The following CCSER1 variants were observed in gnomAD, a reference collection of about 807,000 sequenced individuals.
CCSER1 encodes the protein serine-rich coiled-coil domain-containing protein 1.
In CCSER1, 41 loss-of-function variants were observed where a neutral mutation model predicts 82.0. That is an observed-to-expected ratio of 0.50 (90% CI 0.39 to 0.65). The LOEUF is 0.65. Among genes scored for constraint, CCSER1 ranks in the 30% least tolerant of loss-of-function variants. The pLI is 0.00. For missense variants in CCSER1, 1,119 were observed against 1,064.2 expected (o/e 1.05, Z -0.72); for synonymous variants, 414 against 383.9 (o/e 1.08, Z -0.92).
intron 10 of CCSER1, among the ~76,000 whole-genome samples, chr4:91,246,528 A>C (rs112385232): frequency 5.3e-5 from 8 of 152,308 alleles, no homozygotes; most frequent in African/African-American, 1.9e-4. Flanking sequence ...CAGCAATCCC[A>C]ATGCTGGGTA....
At chr4:90,952,084 C>T (rs1178179999) in intron 9 of CCSER1, among the ~76,000 whole-genome samples, 1 of 151,848 alleles carries the variant, frequency 6.6e-6, no homozygotes, top group Non-Finnish European at 1.5e-5. Flanking sequence ...AGTAAAGTCA[C>T]CTTTAATGGA....
At chr4:90,715,593 A>C (rs942554582) in intron 6 of CCSER1, among the ~76,000 whole-genome samples, 1 of 152,048 alleles carries the variant, frequency 6.6e-6, no homozygotes, top group Non-Finnish European at 1.5e-5. Context: ...TATTGATACC[A>C]GGAGGAAAGA....
chr4:91,459,001 G>A (rs1254766072), intron 10 of CCSER1, among the ~76,000 whole-genome samples: 1 of 151,928 alleles, frequency 6.6e-6, no homozygotes, highest in Non-Finnish European at 1.5e-5. Flanking sequence ...TTATGATAAT[G>A]GAACTTATGG....
chr4:90,277,393 A>G (rs1351479021), intron 1 of CCSER1, among the ~76,000 whole-genome samples: 1 of 152,158 alleles, frequency 6.6e-6, no homozygotes, highest in Non-Finnish European at 1.5e-5. Flanking sequence ...GCCACACATT[A>G]CCTGTCTTCA....
intron 3 of CCSER1, among the ~76,000 whole-genome samples, chr4:90,345,680 A>G (rs1483960426): frequency 2.0e-5 from 3 of 152,094 alleles, no homozygotes; most frequent in Non-Finnish European, 4.4e-5. Context: ...AAAGGCACTG[A>G]GCACAACCAT....
intron 10 of CCSER1, among the ~76,000 whole-genome samples, chr4:91,207,746 A>C (rs1736463634): frequency 6.6e-6 from 1 of 151,954 alleles, no homozygotes; most frequent in South Asian, 2.1e-4. Flanking sequence ...GTATATACCC[A>C]GTAGTGGTAT....
At chr4:90,714,114 T>A (rs1168124218) in intron 6 of CCSER1, among the ~76,000 whole-genome samples, 1 of 152,018 alleles carries the variant, frequency 6.6e-6, no homozygotes, top group African/African-American at 2.4e-5. Context: ...GGACCGCAGC[T>A]GCTTCTATTC....
At chr4:91,517,402 AG>A (rs1376850071) in intron 10 of CCSER1, among the ~76,000 whole-genome samples, 1 of 152,134 alleles carries the variant, frequency 6.6e-6, no homozygotes, top group Non-Finnish European at 1.5e-5. Flanking sequence ...TTTAACATGA[AG>A]GATGTTGAAT....
At chr4:91,401,318 A>T (rs928936775) in intron 10 of CCSER1, among the ~76,000 whole-genome samples, 1 of 148,426 alleles carries the variant, frequency 6.7e-6, no homozygotes, top group Admixed American at 6.8e-5. Context: ...CAATATAGAT[A>T]TACTGTATAT....
At chr4:90,323,975 C>G (rs1279673137) in intron 3 of CCSER1, among the ~76,000 whole-genome samples, 2 of 152,102 alleles carry the variant, frequency 1.3e-5, no homozygotes, top group African/African-American at 4.8e-5. Context: ...CAATTTCATT[C>G]ATGTCCCTAC....
intron 1 of CCSER1, among the ~76,000 whole-genome samples, chr4:90,157,693 C>G (rs563094889): frequency 4.0e-4 from 61 of 150,792 alleles, no homozygotes; most frequent in Admixed American, 4.0e-3. Context: ...GCATTCTTCA[C>G]GTAGTTCTTG....
chr4:90,605,667 TTGG>T (rs368548949), intron 5 of CCSER1, among the ~76,000 whole-genome samples: 1 of 152,176 alleles, frequency 6.6e-6, no homozygotes, highest in African/African-American at 2.4e-5. Flanking sequence ...CTTAAAACCC[TTGG>T]TGATGTACTA....
chr4:91,021,949 A>C (rs926835056), intron 9 of CCSER1, among the ~76,000 whole-genome samples: 10 of 152,198 alleles, frequency 6.6e-5, no homozygotes, highest in African/African-American at 2.4e-4. Context: ...TCAAATGATT[A>C]AATTTTTCTA....
At chr4:90,409,099 A>G (rs1375948908) in intron 4 of CCSER1, among the ~76,000 whole-genome samples, 1 of 152,150 alleles carries the variant, frequency 6.6e-6, no homozygotes, top group African/African-American at 2.4e-5. Context: ...AAAAAGAAAC[A>G]AACAAAGCCT....
rs1360051875 is a variant in CCSER1, at chr4:91,600,609, A to G, written c.*1552A>G. ...GTGCAAAATGCATCTCCTATTATAA[A>G]AATGTATTTGTGCCCTGTGCTTTGG... On this transcript the variant is annotated 3_prime_UTR_variant, in exon 11 of 11. Coordinates refer to ENST00000509176, the MANE Select transcript of CCSER1 (RefSeq NM_001145065.2). 1 of 152,136 alleles carries G rather than the reference A, an allele frequency of 6.6e-6. No individual in the cohort carries two copies. Among genetic ancestry groups the G allele is most frequent in the African/African-American group, 2.4e-5 (1 of 41,448 alleles). The allele number at this position is 152,136 out of a possible 1,614,324, so 9.4% of individuals were successfully genotyped here. A position where few individuals can be genotyped will look rare whatever the true frequency, so the allele number is the denominator to read the frequency against.
At chr4:90,905,654 C>T (rs888341049) in intron 8 of CCSER1, among the ~76,000 whole-genome samples, 2 of 152,124 alleles carry the variant, frequency 1.3e-5, no homozygotes, top group East Asian at 1.9e-4. Flanking sequence ...GGAAGTCTAT[C>T]TCTCCTTCGA....
At chr4:90,608,940 T>C (rs761700467) in intron 5 of CCSER1, among the ~76,000 whole-genome samples, 16 of 152,108 alleles carry the variant, frequency 1.1e-4, no homozygotes, top group Non-Finnish European at 2.4e-4. Flanking sequence ...CTTCACCTTA[T>C]GATTTTGTTG....
chr4:91,073,483 A>G (rs1287013230), intron 9 of CCSER1, among the ~76,000 whole-genome samples: 2 of 152,300 alleles, frequency 1.3e-5, no homozygotes, highest in African/African-American at 4.8e-5. Context: ...CTGTAAACCT[A>G]TGACACTCCT....
At chr4:90,664,643 G>A (rs538665082) in intron 6 of CCSER1, among the ~76,000 whole-genome samples, 1 of 152,326 alleles carries the variant, frequency 6.6e-6, no homozygotes, top group South Asian at 2.1e-4. Flanking sequence ...GCTCACGCCT[G>A]TAATCCCAGC....
Sources: allele counts gnomAD v4.1 joint callset (sites outside exome capture counted in the v4.1 genomes callset), GRCh38; gene constraint gnomAD v4.1.1; transcripts MANE v1.5; gene names NCBI Gene and HGNC (gene_info 2026-07-23, HGNC 2026-07-21).